SLX9: variants seen among roughly 807,000 people sequenced by gnomAD.
SLX9 encodes ribosome biogenesis protein SLX9 homolog.
Under a neutral mutation model 20.8 loss-of-function variants are expected in SLX9, and 19 were observed. The observed-to-expected ratio is 0.91, with a 90% confidence interval of 0.64 to 1.34. The LOEUF (loss-of-function observed/expected upper bound fraction) is 1.34. Ranked by LOEUF, SLX9 falls within the 40% of genes most tolerant of loss-of-function variation. The pLI is 0.00. For synonymous variants in SLX9, 113 were observed against 137.1 expected (o/e 0.82, Z 1.23); for missense variants, 299 against 322.2 (o/e 0.93, Z 0.55).
At chr21:44,952,578 G>A (rs1020703331) in intron 2 of SLX9, among the ~76,000 whole-genome samples, 1 of 152,240 alleles carries the variant, frequency 6.6e-6, no homozygotes, top group South Asian at 2.1e-4. Flanking sequence ...CCCAGCAGAG[G>A]TCTTTTGGCC....
intron 2 of SLX9, among the ~76,000 whole-genome samples, chr21:44,949,648 C>T (rs73906970): frequency 0.067 from 10,221 of 152,236 alleles, 1,106 homozygotes; most frequent in African/African-American, 0.23. Flanking sequence ...CTTCTGCCTG[C>T]GCCTTCCGGC....
At chr21:44,940,430 C>G (rs530373975) in intron 1 of SLX9, among the ~76,000 whole-genome samples, 18 of 152,374 alleles carry the variant, frequency 1.2e-4, no homozygotes, top group African/African-American at 4.1e-4. Flanking sequence ...AGCCAGGAAC[C>G]TCCCGCTGCG....
At chr21:44,976,634 G>A (rs1370958982) in intron 5 of SLX9, 46 bp from the exon 6 acceptor site, 2 of 1,555,244 alleles carry the variant, frequency 1.3e-6, no homozygotes, top group East Asian at 2.4e-5. Flanking sequence ...GGGGCTGAGG[G>A]GTCCGGGGGT....
chr21:44,945,071 C>T (rs1380017915), intron 2 of SLX9, among the ~76,000 whole-genome samples: 1 of 152,170 alleles, frequency 6.6e-6, no homozygotes, highest in African/African-American at 2.4e-5. Context: ...TGGGCCAGCC[C>T]TAATTCCTTG....
chr21:44,976,121 C>T (rs1270869257), intron 5 of SLX9, among the ~76,000 whole-genome samples: 1 of 152,258 alleles, frequency 6.6e-6, no homozygotes, highest in Non-Finnish European at 1.5e-5. Context: ...GGGCAGCTCT[C>T]TGGCGTGCGG....
chr21:44,970,247 G>A lies in SLX9; in HGVS notation c.501-2950G>A, dbSNP rs527872787. ...GAAAGGAGCTTTGTCTCTTCTCCCC[G>A]TGTATGTGTCGCTCATGCGCCGGTG... On this transcript the variant is annotated intron_variant, in intron 4 of 5. Transcript: ENST00000291634. Among the ~76,000 whole-genome samples, 15 of 152,340 alleles carry A rather than the reference G, an allele frequency of 9.8e-5. No individual in the cohort carries two copies. The East Asian group carries it at 2.3e-3, about 23-fold the overall frequency.
intron 4 of SLX9, 39 bp downstream of exon 4, chr21:44,967,220 G>A: frequency 6.5e-7 from 1 of 1,533,490 alleles, no homozygotes; most frequent in Non-Finnish European, 8.8e-7. Flanking sequence ...CGAGCTGTGG[G>A]GCTGACCCGG....
Position 44,951,873 on chromosome 21 carries a change from G to A in SLX9, c.283+8036G>A, listed in dbSNP as rs145725704. Reference sequence around the variant, plus strand: ...TTTGTCCGAGCAGGGTTCGCCCGTCGTGTGTGGGTTTATCCTCATAGAACT... The same window carrying A: ...TTTGTCCGAGCAGGGTTCGCCCGTCATGTGTGGGTTTATCCTCATAGAACT... On this transcript the variant is annotated intron_variant, in intron 2 of 5. Transcript: ENST00000291634. Among the ~76,000 whole-genome samples the A allele has an allele frequency of 4.0e-4, 59 of 148,164 alleles. 3 individuals are homozygous for A. In the East Asian group the frequency reaches 9.7e-3, roughly 24 times the overall value.
At chr21:44,976,292 C>T (rs932930708) in intron 5 of SLX9, among the ~76,000 whole-genome samples, 44 of 152,224 alleles carry the variant, frequency 2.9e-4, no homozygotes, top group African/African-American at 9.9e-4. Flanking sequence ...CGGCTCTCGG[C>T]TCTCGGCTCT....
intron 4 of SLX9, chr21:44,969,291 G>T: frequency 4.5e-6 from 2 of 446,190 alleles, no homozygotes; most frequent in Non-Finnish European, 9.5e-6. Flanking sequence ...GCGATGTGAT[G>T]ACCGAACATT....
At chr21:44,948,651 C>A (rs1293636846) in intron 2 of SLX9, among the ~76,000 whole-genome samples, 2 of 152,106 alleles carry the variant, frequency 1.3e-5, no homozygotes, top group African/African-American at 4.8e-5. Flanking sequence ...AGAGGGAGCT[C>A]ACAGCATGGT....
intron 5 of SLX9, among the ~76,000 whole-genome samples, 183 bp downstream of exon 5, chr21:44,973,448 C>T (rs547306202): frequency 3.4e-5 from 4 of 117,290 alleles, no homozygotes; most frequent in East Asian, 2.3e-4. Flanking sequence ...GCCCTCACCC[C>T]GCCCACCCTC....
chr21:44,957,568 C>G (rs1026340607), intron 2 of SLX9, among the ~76,000 whole-genome samples: 3 of 152,250 alleles, frequency 2.0e-5, no homozygotes, highest in Non-Finnish European at 1.5e-5. Context: ...GGACCCAGAT[C>G]GCAGGAGCCA....
intron 4 of SLX9, chr21:44,972,945 C>A: frequency 1.2e-5 from 2 of 164,974 alleles, no homozygotes; most frequent in Non-Finnish European, 2.5e-5. Flanking sequence ...GCTTGGGGCC[C>A]GCGGTCACAG....
chr21:44,949,780 G>T (rs902706039), intron 2 of SLX9, among the ~76,000 whole-genome samples: 1 of 152,160 alleles, frequency 6.6e-6, no homozygotes, highest in Non-Finnish European at 1.5e-5. Context: ...CCAGCCCTTG[G>T]GCAGGGCTGG....
intron 2 of SLX9, 133 bp downstream of exon 2, chr21:44,943,970 C>T (rs542120124): frequency 3.8e-6 from 5 of 1,305,632 alleles, no homozygotes; most frequent in Non-Finnish European, 5.3e-6. Context: ...ATGCCCCTGG[C>T]TGTTTCTTGG....
At chr21:44,968,256 C>T (rs1000707603) in intron 4 of SLX9, among the ~76,000 whole-genome samples, 5 of 151,874 alleles carry the variant, frequency 3.3e-5, no homozygotes, top group African/African-American at 1.2e-4. Flanking sequence ...ACGCAACCCC[C>T]AGTGACACAA....
chr21:44,974,397 A>C (rs2085223596), intron 5 of SLX9, among the ~76,000 whole-genome samples: 1 of 152,040 alleles, frequency 6.6e-6, no homozygotes, highest in African/African-American at 2.4e-5. Context: ...AGATTTCTTT[A>C]TTGTCTCGGC....
intron 2 of SLX9, among the ~76,000 whole-genome samples, chr21:44,959,648 G>C (rs2084918862): frequency 6.6e-6 from 1 of 152,240 alleles, no homozygotes. Flanking sequence ...CTGGCAGGGG[G>C]CAGGGAGCAC....
Sources: gnomAD v4.1 joint callset for allele counts (sites outside exome capture counted in the v4.1 genomes callset) on GRCh38, gnomAD v4.1.1 for gene constraint, MANE v1.5 for transcripts, NCBI Gene and HGNC (gene_info 2026-07-23, HGNC 2026-07-21) for gene names.